The following TECPR2 variants were observed in gnomAD, a reference collection of about 807,000 sequenced individuals.
TECPR2 encodes the protein tectonin beta-propeller repeat-containing protein 2.
Under a neutral mutation model 138.1 loss-of-function variants are expected in TECPR2, and 65 were observed. The observed-to-expected ratio is 0.47, with a 90% confidence interval of 0.39 to 0.58. The LOEUF is 0.58. Ranked by LOEUF, TECPR2 falls within the 20% of genes least tolerant of loss-of-function variation. TECPR2 has a pLI of 0.00. For synonymous variants in TECPR2, 746 were observed against 749.8 expected, an observed-to-expected ratio of 0.99 and a Z score of 0.08; for missense variants, 1,553 against 1,824.5, an observed-to-expected ratio of 0.85 and a Z score of 2.71.
intron 7 of TECPR2, among the ~76,000 whole-genome samples, chr14:102,431,544 G>T (rs546375047): frequency 1.3e-5 from 2 of 151,968 alleles, no homozygotes; most frequent in Non-Finnish European, 2.9e-5. Flanking sequence ...GGGTTTCACT[G>T]TGTTAGCCAG....
At chr14:102,439,315 T>C (rs1014810271) in intron 10 of TECPR2, among the ~76,000 whole-genome samples, 3 of 152,180 alleles carry the variant, frequency 2.0e-5, no homozygotes, top group Admixed American at 2.0e-4. Context: ...ACCTGTCTGT[T>C]CTCTGTAACT....
chr14:102,471,310 A>G (rs1179520564), intron 17 of TECPR2, among the ~76,000 whole-genome samples: 3 of 152,056 alleles, frequency 2.0e-5, no homozygotes, highest in Admixed American at 6.6e-5. Context: ...TGTTCATTTC[A>G]TCTATTTTAT....
At chr14:102,467,014 C>A (rs1460117486) in intron 17 of TECPR2, among the ~76,000 whole-genome samples, 1 of 152,158 alleles carries the variant, frequency 6.6e-6, no homozygotes, top group Non-Finnish European at 1.5e-5. Flanking sequence ...CTTTTTATGA[C>A]TACATCACAG....
chr14:102,376,972 G>T (rs765820115), intron 2 of TECPR2, 32 bp downstream of exon 2: 2 of 1,587,772 alleles, frequency 1.3e-6, no homozygotes, highest in Non-Finnish European at 1.7e-6. Context: ...ACCTGAGGGG[G>T]CACGAGCCAT....
At chr14:102,402,199 T>G (rs1168506388) in intron 2 of TECPR2, among the ~76,000 whole-genome samples, 1 of 152,204 alleles carries the variant, frequency 6.6e-6, no homozygotes, top group African/African-American at 2.4e-5. Flanking sequence ...AAGTATGTTC[T>G]TATTGCAACC....
At chr14:102,395,039 C>T (rs1169135039) in intron 2 of TECPR2, among the ~76,000 whole-genome samples, 1 of 152,094 alleles carries the variant, frequency 6.6e-6, no homozygotes, top group Non-Finnish European at 1.5e-5. Context: ...TCAAGGGATC[C>T]CCCTTTTTCT....
At chr14:102,446,828 A>G (rs920557946) in intron 13 of TECPR2, among the ~76,000 whole-genome samples, 6 of 152,192 alleles carry the variant, frequency 3.9e-5, no homozygotes, top group African/African-American at 1.2e-4. Context: ...TTATTTTGAT[A>G]TTGTTTATAT....
intron 2 of TECPR2, among the ~76,000 whole-genome samples, chr14:102,401,612 T>C (rs917224138): frequency 6.6e-6 from 1 of 151,496 alleles, no homozygotes; most frequent in Non-Finnish European, 1.5e-5. Context: ...ACCCTGTCTC[T>C]ACTGAAAAGT....
intron 3 of TECPR2, among the ~76,000 whole-genome samples, chr14:102,407,889 A>AGGGAGGCTGAGGC (rs1888707084): frequency 6.6e-6 from 1 of 151,566 alleles, no homozygotes; most frequent in Non-Finnish European, 1.5e-5. Context: ...CCCAGCTACT[A>AGGGAGGCTGAGGC]GGGAGGCTGA....
At chr14:102,412,612 CTT>C (rs755517514) in intron 4 of TECPR2, among the ~76,000 whole-genome samples, 12 of 138,388 alleles carry the variant, frequency 8.7e-5, no homozygotes, top group Admixed American at 2.2e-4. Flanking sequence ...AAGTGACAGG[CTT>C]TTTTTTTTTT....
chr14:102,487,102 T>C (rs1891045017), intron 17 of TECPR2, among the ~76,000 whole-genome samples: 2 of 152,092 alleles, frequency 1.3e-5, no homozygotes, highest in Non-Finnish European at 1.5e-5. Flanking sequence ...TTTACGGGGA[T>C]TCAAGGTTAA....
intron 2 of TECPR2, among the ~76,000 whole-genome samples, chr14:102,394,979 G>A (rs971093644): frequency 6.6e-6 from 1 of 152,032 alleles, no homozygotes; most frequent in East Asian, 1.9e-4. Flanking sequence ...GCTCCTAATC[G>A]TGTTTGTCAG....
Position 102,484,049 on chromosome 14 carries a change from G to A in TECPR2, c.3790-12930G>A, listed in dbSNP as rs1411265716. On this transcript the variant is annotated intron_variant, in intron 17 of 19. Coordinates refer to ENST00000359520, the MANE Select transcript of TECPR2 (RefSeq NM_014844.5). The stretch of plus-strand genomic sequence containing the variant: ...TGACCTCAGGTGATCCACCTGCCTT[G>A]GCCTCCCAAAGTGCTGGGATTACAG... Among the ~76,000 whole-genome samples, 3 of 150,774 alleles carry A rather than the reference G, an allele frequency of 2.0e-5. 1 individual carries two copies. The highest frequency in any genetic ancestry group is 4.4e-5 in the Non-Finnish European group (3 of 67,820).
In TECPR2 at chr14:102,497,809, C is replaced by T. The variant is rs563562157; in HGVS notation, c.4081+90C>T. 2.8e-6 allele frequency: 4 copies of T among 1,413,504 alleles called. No homozygotes were observed. The South Asian group carries it at 5.8e-5, about 21-fold the overall frequency. The allele number at this position is 1,413,504 out of a possible 1,614,324, so 87.6% of individuals were successfully genotyped here. A position where few individuals can be genotyped will look rare whatever the true frequency, so the allele number is the denominator to read the frequency against. On this transcript the variant is annotated intron_variant, in intron 19 of 19. Transcript: ENST00000359520. ...CGGGGGGCTCTCAAAGAAGCCGACC[C>T]CACTGGGCTCCAATCTCTCAAAGCA...
At position 102,372,270 on chromosome 14, in the gene TECPR2, C is replaced by CT. The variant is rs368764334; in HGVS notation, c.-72-4368dup. Among the ~76,000 whole-genome samples, 378 of 144,898 alleles carry CT rather than the reference C, an allele frequency of 2.6e-3. 1 individual carries two copies. Among genetic ancestry groups the CT allele is most frequent in the African/African-American group, 6.3e-3 (250 of 39,792 alleles). ...CCAGCTGCCTTTGTACTTTTCTTTTCTTTTTTTTTTTTGAGATTGAGTTTC... is the reference window on the plus strand; with the variant it reads ...CCAGCTGCCTTTGTACTTTTCTTTTCTTTTTTTTTTTTTGAGATTGAGTTTC... On this transcript the variant is annotated intron_variant, in intron 1 of 19. Transcript: ENST00000359520.
chr14:102,363,150 C>A (rs1161544114), intron 1 of TECPR2, 34 bp downstream of exon 1: 2 of 334,910 alleles, frequency 6.0e-6, no homozygotes, highest in Non-Finnish European at 1.1e-5. Context: ...GGCCCCGACG[C>A]CCCCGACGCC....
intron 17 of TECPR2, among the ~76,000 whole-genome samples, chr14:102,490,036 A>G (rs1176296630): frequency 6.6e-6 from 1 of 152,294 alleles, no homozygotes; most frequent in East Asian, 1.9e-4. Context: ...AAAAAAATAC[A>G]GTGAGTTTAT....
intron 2 of TECPR2, among the ~76,000 whole-genome samples, chr14:102,403,790 TAAG>T (rs907493924): frequency 1.3e-5 from 2 of 152,096 alleles, no homozygotes; most frequent in African/African-American, 2.4e-5. Flanking sequence ...TTAAAAAGAA[TAAG>T]GAGGTGAAAG....
intron 17 of TECPR2, among the ~76,000 whole-genome samples, chr14:102,474,234 C>T (rs528108039): frequency 6.6e-6 from 1 of 152,148 alleles, no homozygotes; most frequent in South Asian, 2.1e-4. Context: ...TACCACTGCA[C>T]TCCAGACTGG....
Sources: allele counts gnomAD v4.1 joint callset (sites outside exome capture counted in the v4.1 genomes callset), GRCh38; gene constraint gnomAD v4.1.1; transcripts MANE v1.5; gene names NCBI Gene and HGNC (gene_info 2026-07-23, HGNC 2026-07-21).